EPN1: variants seen among roughly 807,000 people sequenced by gnomAD.
EPN1 encodes epsin 1, also known as epsin-1.
A neutral mutation model predicts 56.9 loss-of-function variants in EPN1; 25 were observed. That is an observed-to-expected ratio of 0.44 (90% CI 0.32 to 0.61). The LOEUF (loss-of-function observed/expected upper bound fraction) is 0.61, where lower values mean the gene tolerates loss of function less well. EPN1 is among the 20% of genes least tolerant of loss of function. The pLI is 0.05. For missense variants in EPN1, 785 were observed against 823.7 expected (o/e 0.95, Z 0.58); for synonymous variants, 411 against 361.8 (o/e 1.14, Z -1.54).
rs1985610067 is a variant in EPN1, at chr19:55,678,816, G to T, written c.189G>T (p.Arg63=). The T allele has an allele frequency of 6.2e-7, 1 of 1,613,592 alleles. No individual in the cohort carries two copies. Among genetic ancestry groups the T allele is most frequent in the Non-Finnish European group, 8.5e-7 (1 of 1,179,640 alleles). Residue 63 remains arginine (R), a synonymous_variant, in exon 2 of 11, where the codon CGG becomes CGT. Transcript: ENST00000270460. ...AGATCATGAGCATGATCTGGAAGCG[G>T]CTCAATGACCATGGCAAGAACTGGC... The part of the protein sequence containing the change: ...FSEIMSMIWK[R]LNDHGKNWRH...
chr19:55,701,871 T>C lies in EPN1; in HGVS notation c.*6515T>C, dbSNP rs970735546. 6.6e-6 allele frequency: 1 copy of C among 151,662 alleles called. No individual in the cohort carries two copies. The highest frequency in any genetic ancestry group is 1.5e-5 in the Non-Finnish European group (1 of 67,936). The allele number at this position is 151,662 out of a possible 1,614,324, so 9.4% of individuals were successfully genotyped here. A position where few individuals can be genotyped will look rare whatever the true frequency, so the allele number is the denominator to read the frequency against. On this transcript the variant is annotated 3_prime_UTR_variant, in exon 11 of 11. Coordinates refer to ENST00000270460, the MANE Select transcript of EPN1 (RefSeq NM_001130072.2). ...TTATAGATGGGCTAGTGAGGAGGGG[T>C]GTCTTTTCTTCCTAGGGCCTGAAGA...
At chr19:55,679,837 T>C (rs928571508) in intron 2 of EPN1, among the ~76,000 whole-genome samples, 9 of 152,254 alleles carry the variant, frequency 5.9e-5, no homozygotes, top group African/African-American at 2.2e-4. Context: ...TCATTTATTG[T>C]GAAGGGCTGG....
intron 3 of EPN1, among the ~76,000 whole-genome samples, chr19:55,687,990 C>T (rs1032343520): frequency 3.3e-5 from 5 of 152,166 alleles, no homozygotes; most frequent in African/African-American, 1.2e-4. Context: ...GACACAAGTA[C>T]AGGACACAGG....
rs754779778 is a variant in EPN1 at position 55,694,944 on chromosome 19, C to G, written c.1483C>G (p.Pro495Ala). The G allele has an allele frequency of 1.3e-6, 2 of 1,559,026 alleles. No individual in the cohort carries two copies. Among genetic ancestry groups the G allele is most frequent in the Non-Finnish European group, 1.7e-6 (2 of 1,152,492 alleles). Residue 495 changes from proline (P) to alanine (A), a missense_variant, in exon 10 of 11, where the codon CCG (proline) becomes GCG (alanine). Physicochemically the swap from Pro to Ala is conservative, Grantham distance 27. This residue lies in a region of EPN1 where 650 missense variants were observed against 605.0 expected (regional missense o/e 1.07). Transcript: ENST00000270460. This position sits in a 1 kb window ranked among gnomAD's most constrained non-coding sequence, Gnocchi z 4.2. ...DSLVSRPGPT[P>A]PGAKASNPFL... is the part of the protein sequence containing the mutation. ...GCTGGTGAGCCGGCCGGGCCCCACG[C>G]CGCCTGGAGCCAAGGCCTCCAACCC... is the stretch of plus-strand genomic sequence containing the variant.
At chr19:55,676,944 T>G (rs1985476555) in intron 1 of EPN1, 1 of 537,588 alleles carries the variant, frequency 1.9e-6, no homozygotes, top group Non-Finnish European at 3.2e-6. Flanking sequence ...CTCAGTCCCC[T>G]TCTCTGCATT....
In EPN1 at chr19:55,689,857, G is replaced by C; in HGVS notation, c.679-10G>C. On this transcript the variant is annotated splice_polypyrimidine_tract_variant and intron_variant, in intron 5 of 10. Coordinates refer to ENST00000270460, the MANE Select transcript of EPN1 (RefSeq NM_001130072.2). The surrounding 1 kb of genome is among the most constrained non-coding windows in gnomAD (Gnocchi z 5.7). ...CTCATGTCTCCCTGGTCGTGCCCGTGCCCCAACAGGAGGAGCGGATCCGTC... is the reference window on the plus strand; with the variant it reads ...CTCATGTCTCCCTGGTCGTGCCCGTCCCCCAACAGGAGGAGCGGATCCGTC... 4.4e-5 allele frequency: 71 copies of C among 1,595,842 alleles called. No homozygotes were observed. The highest frequency in any genetic ancestry group is 5.9e-5 in the Non-Finnish European group (69 of 1,171,816).
chr19:55,688,826 C>T lies in EPN1; in HGVS notation c.479-44C>T, dbSNP rs111826841. The T allele has an allele frequency of 6.3e-4, 982 of 1,558,326 alleles. 4 individuals carry two copies. In the African/African-American group the frequency reaches 0.011, roughly 18 times the overall value. On this transcript the variant is annotated intron_variant, in intron 3 of 10. Transcript: ENST00000270460. Reference sequence around the variant, plus strand: ...CTAGGCTATGGGGTTTCCTGTCTCTCGTTCCCTGGTCTGGGTCTCACGCGT... The same window carrying T: ...CTAGGCTATGGGGTTTCCTGTCTCTTGTTCCCTGGTCTGGGTCTCACGCGT...
chr19:55,681,919 G>C (rs1170201852), intron 2 of EPN1, among the ~76,000 whole-genome samples: 1 of 152,040 alleles, frequency 6.6e-6, no homozygotes, highest in African/African-American at 2.4e-5. Context: ...GCATGGTTGA[G>C]GAATAGCTGG....
chr19:55,689,486 C>T lies in EPN1; in HGVS notation c.678+115C>T, dbSNP rs148122887. 691 of 781,348 alleles carry T rather than the reference C, an allele frequency of 8.8e-4. 2 individuals are homozygous for T. Among genetic ancestry groups the T allele is most frequent in the Middle Eastern group, 4.2e-3 (16 of 3,770 alleles). 48.4% of individuals were successfully genotyped at this position (781,348 alleles called of 1,614,324 possible). On this transcript the variant is annotated intron_variant, in intron 5 of 10. Coordinates refer to ENST00000270460, the MANE Select transcript of EPN1 (RefSeq NM_001130072.2). This position sits in a 1 kb window ranked among gnomAD's most constrained non-coding sequence, Gnocchi z 5.7. The stretch of plus-strand genomic sequence containing the variant: ...GCTGGGCCCGAAGCCCACAGGCTCA[C>T]GCGTGTTGAAACCTCAGTACCTTCA...
chr19:55,693,542 G>A (rs948641950), intron 9 of EPN1, among the ~76,000 whole-genome samples: 14 of 152,318 alleles, frequency 9.2e-5, no homozygotes, highest in African/African-American at 2.2e-4. Flanking sequence ...GGCGCCCATC[G>A]CCGGTGACGG....
rs1472890234 is a variant in EPN1, at chr19:55,688,773, G to A, written c.479-97G>A. ...TTGTAGGGTGGGGGACTTGGGGGGT[G>A]GGGTTGGACACAGAAGCCCCCGTCT... is the stretch of plus-strand genomic sequence containing the variant. On this transcript the variant is annotated intron_variant, in intron 3 of 10. Coordinates refer to ENST00000270460, the MANE Select transcript of EPN1 (RefSeq NM_001130072.2). 4 of 1,510,640 alleles carry A rather than the reference G, an allele frequency of 2.6e-6. No individual in the cohort carries two copies. The East Asian group carries it at 7.4e-5, about 28-fold the overall frequency. 93.6% of individuals were successfully genotyped at this position (1,510,640 alleles called of 1,614,324 possible).
At chr19:55,677,797 T>G in intron 1 of EPN1, 2 of 1,440,794 alleles carry the variant, frequency 1.4e-6, no homozygotes, top group African/African-American at 1.4e-5. Flanking sequence ...CCATGTGTCC[T>G]TGTTTCTGCT....
chr19:55,704,801 T>G lies in EPN1; in HGVS notation c.*9445T>G, dbSNP rs1275567620. The G allele has an allele frequency of 6.6e-6, 1 of 152,528 alleles. No homozygotes were observed. Among genetic ancestry groups the G allele is most frequent in the Admixed American group, 6.5e-5 (1 of 15,274 alleles). 9.4% of individuals were successfully genotyped at this position (152,528 alleles called of 1,614,324 possible). On this transcript the variant is annotated 3_prime_UTR_variant, in exon 11 of 11. Transcript: ENST00000270460. The stretch of plus-strand genomic sequence containing the variant: ...CCTGGGCCCCCTGCTCCAGCACCGC[T>G]CCCTTCCTTCTGTAATACAGACAAC...
chr19:55,692,187 G>T, intron 7 of EPN1, 130 bp downstream of exon 7: 1 of 852,990 alleles, frequency 1.2e-6, no homozygotes, highest in Non-Finnish European at 1.7e-6. Flanking sequence ...GGGTGCAGGG[G>T]AGGGGGCAAG....
chr19:55,677,101 C>T (rs1985488138), intron 1 of EPN1: 2 of 1,543,822 alleles, frequency 1.3e-6, no homozygotes, highest in Middle Eastern at 1.7e-4. Context: ...TCCGTCATCC[C>T]TATCTCCCCT....
rs1037525333 is a variant in EPN1 at position 55,699,298 on chromosome 19, C to A, written c.*3942C>A. ...AGTTTCTGTGCCCATTCCCAGGCAC[C>A]TTCTTGCAGCCGCAGGCATCTCCCC... On this transcript the variant is annotated 3_prime_UTR_variant, in exon 11 of 11. Transcript: ENST00000270460. 6.6e-6 allele frequency: 1 copy of A among 152,166 alleles called. No individual in the cohort carries two copies. Among genetic ancestry groups the A allele is most frequent in the African/African-American group, 2.4e-5 (1 of 41,420 alleles). The allele number at this position is 152,166 out of a possible 1,614,324, so 9.4% of individuals were successfully genotyped here. A position where few individuals can be genotyped will look rare whatever the true frequency, so the allele number is the denominator to read the frequency against.
chr19:55,694,732 T>G lies in EPN1; in HGVS notation c.1271T>G (p.Leu424Arg). 1 of 1,570,734 alleles carries G rather than the reference T, an allele frequency of 6.4e-7. No homozygotes were observed. Among genetic ancestry groups the G allele is most frequent in the East Asian group, 2.2e-5 (1 of 44,546 alleles). ...LPTSGSSAGE[L>R]ELLAGEVPAR... ...CTCTCCCGGATCCTTCCAGGAGAGC[T>G]GGAGCTGCTGGCAGGAGAGGTGCCG... The change falls in exon 10 of 11, where the codon CTG (leucine) becomes CGG (arginine). Residue 424 changes from leucine (L) to arginine (R), a missense_variant. Coordinates refer to ENST00000270460, the MANE Select transcript of EPN1 (RefSeq NM_001130072.2). The surrounding 1 kb of genome is among the most constrained non-coding windows in gnomAD (Gnocchi z 4.2).
Position 55,678,609 on chromosome 19 carries a change from G to T in EPN1, c.-19G>T, listed in dbSNP as rs370151707. On this transcript the variant is annotated 5_prime_UTR_variant, in exon 2 of 11. Coordinates refer to ENST00000270460, the MANE Select transcript of EPN1 (RefSeq NM_001130072.2). Reference sequence around the variant, plus strand: ...CACGCATCGGGGCCCTGTGCCCCTTGCTGCTGCAGCCGGGCACCATGTCGA... The same window carrying T: ...CACGCATCGGGGCCCTGTGCCCCTTTCTGCTGCAGCCGGGCACCATGTCGA... 13 of 1,595,204 alleles carry T rather than the reference G, an allele frequency of 8.1e-6. No homozygotes were observed. In the African/African-American group the frequency reaches 9.4e-5, roughly 12 times the overall value.
intron 6 of EPN1, among the ~76,000 whole-genome samples, chr19:55,690,364 G>A (rs1986459401): frequency 6.6e-6 from 1 of 152,262 alleles, no homozygotes; most frequent in African/African-American, 2.4e-5. Context: ...AGGGCCTGTT[G>A]GTGAGCGAGG....
Sources: gnomAD v4.1 joint callset for allele counts (sites outside exome capture counted in the v4.1 genomes callset) on GRCh38, gnomAD v4.1.1 for gene constraint, gnomAD v4.1.1 regional missense constraint, Gnocchi (gnomAD v3.1) non-coding constraint, MANE v1.5 for transcripts, NCBI Gene and HGNC (gene_info 2026-07-23, HGNC 2026-07-21) for gene names.